The following RBFOX1 variants were observed in gnomAD, a reference collection of about 807,000 sequenced individuals.
The protein encoded by RBFOX1 is RNA binding fox-1 homolog 1.
A neutral mutation model predicts 57.7 loss-of-function variants in RBFOX1; 8 were observed. That is an observed-to-expected ratio of 0.14 (90% CI 0.08 to 0.25). The LOEUF is 0.25. Ranked by LOEUF, RBFOX1 falls within the 10% of genes least tolerant of loss-of-function variation. The pLI is 1.00. For synonymous variants in RBFOX1, 326 were observed against 222.4 expected (o/e 1.47, Z -4.15); for missense variants, 611 against 548.5 (o/e 1.11, Z -1.14).
At chr16:5,738,853 C>A (rs2052674871) in intron 3 of RBFOX1, among the ~76,000 whole-genome samples, 1 of 152,062 alleles carries the variant, frequency 6.6e-6, no homozygotes, top group African/African-American at 2.4e-5. Context: ...TCATCTAAAC[C>A]TTAGCTAGAG....
intron 3 of RBFOX1, among the ~76,000 whole-genome samples, chr16:6,656,423 A>C (rs981737738): frequency 6.6e-6 from 1 of 152,192 alleles, no homozygotes; most frequent in Non-Finnish European, 1.5e-5. Context: ...AGCTCTGGGC[A>C]AGGAGAGTCA....
intron 1 of RBFOX1, among the ~76,000 whole-genome samples, chr16:5,313,524 C>G (rs567416994): frequency 6.6e-6 from 1 of 152,066 alleles, no homozygotes; most frequent in Non-Finnish European, 1.5e-5. Flanking sequence ...CATATTCATG[C>G]TGCTGATAAA....
intron 2 of RBFOX1, among the ~76,000 whole-genome samples, chr16:5,488,692 A>T (rs1178339391): frequency 3.4e-4 from 48 of 142,108 alleles, no homozygotes; most frequent in African/African-American, 1.1e-3. Context: ...GACGGTGATG[A>T]TGATGATGGA....
At chr16:7,585,294 T>C (rs1223170187) in intron 6 of RBFOX1, among the ~76,000 whole-genome samples, 2 of 152,230 alleles carry the variant, frequency 1.3e-5, no homozygotes, top group Non-Finnish European at 2.9e-5. Context: ...TTCTTCTATT[T>C]CCAGTGATTT....
intron 1 of RBFOX1, among the ~76,000 whole-genome samples, chr16:6,130,292 G>T (rs2096620632): frequency 6.6e-6 from 1 of 152,016 alleles, no homozygotes; most frequent in African/African-American, 2.4e-5. Context: ...TTTTATTATA[G>T]TTTTTATATT....
At chr16:6,861,489 C>CG (rs1289977108) in intron 3 of RBFOX1, among the ~76,000 whole-genome samples, 6 of 150,374 alleles carry the variant, frequency 4.0e-5, no homozygotes, top group African/African-American at 9.7e-5. Flanking sequence ...CAACCCCCTC[C>CG]CCCCCCGACT....
intron 5 of RBFOX1, among the ~76,000 whole-genome samples, chr16:7,545,316 A>AC (rs140308010): frequency 0.17 from 26,441 of 151,656 alleles, 2,909 homozygotes; most frequent in East Asian, 0.37. Context: ...GGTGCGGGTC[A>AC]TGGGGGTGGA....
intron 2 of RBFOX1, among the ~76,000 whole-genome samples, chr16:6,500,300 C>G (rs990347102): frequency 1.3e-5 from 2 of 152,174 alleles, no homozygotes; most frequent in South Asian, 4.1e-4. Flanking sequence ...ACACACCATG[C>G]TTCAAGGTAT....
chr16:6,134,684 T>A (rs930023008), intron 1 of RBFOX1, among the ~76,000 whole-genome samples: 3 of 99,424 alleles, frequency 3.0e-5, no homozygotes, highest in Non-Finnish European at 5.5e-5. Flanking sequence ...ACTCAGAGTA[T>A]TTTTTTTTTT....
intron 3 of RBFOX1, among the ~76,000 whole-genome samples, chr16:5,773,120 A>T (rs921010136): frequency 6.6e-6 from 1 of 152,224 alleles, no homozygotes; most frequent in Non-Finnish European, 1.5e-5. Flanking sequence ...TGAGCAGTAG[A>T]CAGGTATGAC....
At chr16:6,663,320 A>G (rs2098712813) in intron 3 of RBFOX1, among the ~76,000 whole-genome samples, 1 of 152,182 alleles carries the variant, frequency 6.6e-6, no homozygotes, top group African/African-American at 2.4e-5. Context: ...GGAAGAAGAA[A>G]GGAGTTGATC....
At chr16:7,040,369 G>C (rs2045780403) in intron 3 of RBFOX1, among the ~76,000 whole-genome samples, 1 of 152,102 alleles carries the variant, frequency 6.6e-6, no homozygotes, top group Admixed American at 6.6e-5. Flanking sequence ...TGCCAGGCCA[G>C]ATTTGGCTTT....
Position 5,473,469 on chromosome 16 carries a change from C to T in RBFOX1, c.258+6215C>T, listed in dbSNP as rs185657865. On this transcript the variant is annotated intron_variant, in intron 2 of 2. Coordinates refer to the RBFOX1 transcript ENST00000585867. Reference sequence around the variant, plus strand: ...AAATTCCTAATAAGCAGTACCTCACCTTTTTATTCCATTCCCAGTACCTTG... The same window carrying T: ...AAATTCCTAATAAGCAGTACCTCACTTTTTTATTCCATTCCCAGTACCTTG... Among the ~76,000 whole-genome samples the T allele has an allele frequency of 7.5e-4, 114 of 152,066 alleles. 2 individuals are homozygous for T. The highest frequency in any genetic ancestry group is 2.7e-3 in the African/African-American group (110 of 41,464).
chr16:5,406,574 A>C (rs493942), intron 1 of RBFOX1, among the ~76,000 whole-genome samples: 89,194 of 151,442 alleles, frequency 0.59, 26,637 homozygotes, highest in Middle Eastern at 0.68. Context: ...CTCTCTCTTT[A>C]TTTCTCTCTC....
intron 14 of RBFOX1, among the ~76,000 whole-genome samples, chr16:7,682,633 C>G (rs1325592725): frequency 2.0e-5 from 3 of 150,432 alleles, no homozygotes; most frequent in East Asian, 2.0e-4. Context: ...GATGATCTGT[C>G]AAGTTGTAAT....
At position 6,930,530 on chromosome 16, in the gene RBFOX1, C is replaced by T. The variant is rs367660163; in HGVS notation, c.-15-121527C>T. On this transcript the variant is annotated intron_variant, in intron 3 of 15. Transcript: ENST00000550418. ...GTTCAGGTGATTCTCCTGCCTCAGC[C>T]TCCCAAGCAGTTGGGATTACAGGTA... Among the ~76,000 whole-genome samples, 8 of 152,058 alleles carry T rather than the reference C, an allele frequency of 5.3e-5. No homozygotes were observed. In the South Asian group the frequency reaches 6.2e-4, roughly 12 times the overall value.
At chr16:6,437,100 T>G (rs572793832) in intron 2 of RBFOX1, among the ~76,000 whole-genome samples, 1 of 152,296 alleles carries the variant, frequency 6.6e-6, no homozygotes, top group Non-Finnish European at 1.5e-5. Flanking sequence ...ACCAAATTAA[T>G]AGGCGATCGT....
At chr16:5,819,242 A>G (rs2055758276) in intron 3 of RBFOX1, among the ~76,000 whole-genome samples, 1 of 152,176 alleles carries the variant, frequency 6.6e-6, no homozygotes, top group Admixed American at 6.6e-5. Context: ...TCAATGTGAC[A>G]TCCTATGACA....
chr16:7,576,250 G>T (rs1355574248), intron 5 of RBFOX1, among the ~76,000 whole-genome samples: 2 of 152,064 alleles, frequency 1.3e-5, no homozygotes, highest in Non-Finnish European at 2.9e-5. Flanking sequence ...GTCCTTTGAT[G>T]GAAAAGTAAA....
Sources: allele counts gnomAD v4.1 joint callset (sites outside exome capture counted in the v4.1 genomes callset), GRCh38; gene constraint gnomAD v4.1.1; transcripts MANE v1.5; gene names NCBI Gene and HGNC (gene_info 2026-07-23, HGNC 2026-07-21).